BRINP2: variants seen among roughly 807,000 people sequenced by gnomAD.
BRINP2 encodes BMP/retinoic acid inducible neural specific 2, also known as BMP/retinoic acid-inducible neural-specific protein 2.
BRINP2 carries 21 observed loss-of-function variants against 69.2 expected under a neutral mutation model. The observed-to-expected ratio is 0.30, with a 90% CI of 0.22 to 0.44. The LOEUF is 0.44. BRINP2 is among the 20% of genes least tolerant of loss of function. The pLI is 1.00. For synonymous variants in BRINP2, 380 were observed against 394.1 expected (o/e 0.96, Z 0.42); for missense variants, 877 against 986.0 (o/e 0.89, Z 1.48).
chr1:177,243,957 A>C (rs1650292298), intron 2 of BRINP2, among the ~76,000 whole-genome samples: 1 of 147,490 alleles, frequency 6.8e-6, no homozygotes, highest in South Asian at 2.3e-4. Flanking sequence ...GCTATGTTTA[A>C]ATGCAGAGGA....
In BRINP2 at chr1:177,227,836, G is replaced by A. The variant is rs139205792; in HGVS notation, c.-76-1965G>A. On this transcript the variant is annotated intron_variant, in intron 1 of 7. Coordinates refer to ENST00000361539, the MANE Select transcript of BRINP2 (RefSeq NM_021165.4). ...TTATTTCTGAGCTATCTATTCTATT[G>A]CATTGATCTGCTGTCCAATTTGTGT... 6.2e-3 allele frequency among the ~76,000 whole-genome samples: 941 copies of A among 151,898 alleles called. 5 individuals are homozygous for A. Among genetic ancestry groups the A allele is most frequent in the Non-Finnish European group, 0.011 (754 of 67,966 alleles).
chr1:177,280,844 C>T lies in BRINP2; in HGVS notation c.1668C>T (p.Ser556=), dbSNP rs546046745. Residue 556 remains serine (S), a synonymous_variant, in exon 8 of 8, where the codon AGC becomes AGT. Coordinates refer to ENST00000361539, the MANE Select transcript of BRINP2 (RefSeq NM_021165.4). ...WRKRMLLTLK[S]NKYKPGLVHV... ...AGCGCATGCTGCTCACCCTGAAGAG[C>T]AACAAGTACAAGCCTGGGCTGGTGC... The T allele has an allele frequency of 1.4e-5, 23 of 1,614,040 alleles. No homozygotes were observed. In the South Asian group the frequency reaches 2.4e-4, roughly 17 times the overall value.
intron 5 of BRINP2, among the ~76,000 whole-genome samples, 167 bp downstream of exon 5, chr1:177,273,760 G>C (rs1651409545): frequency 6.6e-6 from 1 of 152,132 alleles, no homozygotes; most frequent in Non-Finnish European, 1.5e-5. Flanking sequence ...TTTCCATCAT[G>C]TTTTAAGAAA....
intron 1 of BRINP2, among the ~76,000 whole-genome samples, chr1:177,184,497 T>G (rs576335198): frequency 2.4e-4 from 36 of 152,266 alleles, no homozygotes; most frequent in African/African-American, 8.4e-4. Context: ...CTACTTTAAT[T>G]CCTAGAATGT....
intron 6 of BRINP2, 33 bp downstream of exon 6, chr1:177,276,467 A>G (rs971822281): frequency 3.7e-5 from 59 of 1,594,744 alleles, no homozygotes; most frequent in Non-Finnish European, 4.6e-5. Flanking sequence ...TGTCAATGAG[A>G]GGTGGCTGTG....
At chr1:177,254,406 A>G (rs1486673503) in intron 2 of BRINP2, among the ~76,000 whole-genome samples, 3 of 149,694 alleles carry the variant, frequency 2.0e-5, no homozygotes, top group South Asian at 2.1e-4. Context: ...ACACACACAC[A>G]CACTATCTTC....
In BRINP2 at chr1:177,280,449, C is replaced by G. The variant is rs772053075; in HGVS notation, c.1273C>G (p.Leu425Val). The change falls in exon 8 of 8, where the codon CTC becomes GTC. Residue 425 changes from leucine (L) to valine (V), a missense_variant. Leu to Val is a conservative substitution (Grantham distance 32). Transcript: ENST00000361539. ...CTGGTGGAACCGAATCCAGTCCCTC[C>G]TCTACTGTGGGGAAAGCACCTTTCC... ...SYWWNRIQSL[L>V]YCGESTFPGT... 6 of 1,613,402 alleles carry G rather than the reference C, an allele frequency of 3.7e-6. No homozygotes were observed. In the Admixed American group the frequency reaches 1.0e-4, roughly 27 times the overall value.
rs771911333 is a variant in BRINP2, at chr1:177,257,336, C to T, written c.621C>T (p.Ser207=). ...LAASYFIDRE[S]TLRRLHHIQI... ...CCTCCTACTTCATCGACAGAGAGAG[C>T]ACGCTGCGACGGCTGCACCATATCC... Residue 207 remains serine (S), a synonymous_variant, in exon 4 of 8, where the codon AGC becomes AGT. Transcript: ENST00000361539. The T allele has an allele frequency of 1.9e-6, 3 of 1,613,958 alleles. No individual in the cohort carries two copies. Among genetic ancestry groups the T allele is most frequent in the East Asian group, 2.2e-5 (1 of 44,844 alleles).
At chr1:177,199,974 T>G (rs1321666056) in intron 1 of BRINP2, among the ~76,000 whole-genome samples, 1 of 152,064 alleles carries the variant, frequency 6.6e-6, no homozygotes, top group Non-Finnish European at 1.5e-5. Flanking sequence ...TGGTCTCTAC[T>G]TTTACCCATG....
intron 4 of BRINP2, among the ~76,000 whole-genome samples, chr1:177,269,052 A>G (rs1049748050): frequency 6.6e-6 from 1 of 152,162 alleles, no homozygotes; most frequent in Non-Finnish European, 1.5e-5. Flanking sequence ...CAGCCAGTGA[A>G]TAGTCTTCAC....
At chr1:177,224,158 C>T (rs1008132378) in intron 1 of BRINP2, among the ~76,000 whole-genome samples, 13 of 152,248 alleles carry the variant, frequency 8.5e-5, no homozygotes, top group Admixed American at 6.5e-4. Context: ...CAAGATATTG[C>T]GGATGACAAG....
At chr1:177,188,268 G>A (rs1571887053) in intron 1 of BRINP2, among the ~76,000 whole-genome samples, 5 of 152,030 alleles carry the variant, frequency 3.3e-5, no homozygotes, top group South Asian at 2.1e-4. Context: ...GAGCTCTTTC[G>A]AGGTGCCAGG....
chr1:177,177,665 G>C (rs1360291978), intron 1 of BRINP2, among the ~76,000 whole-genome samples: 1 of 148,992 alleles, frequency 6.7e-6, no homozygotes, highest in South Asian at 2.1e-4. Flanking sequence ...TCTACTTACT[G>C]TTCGTACATG....
intron 2 of BRINP2, among the ~76,000 whole-genome samples, chr1:177,243,049 A>T (rs1650255554): frequency 6.6e-6 from 1 of 152,152 alleles, no homozygotes; most frequent in Non-Finnish European, 1.5e-5. Context: ...TTATTTGGTG[A>T]TAACTGAAAA....
intron 1 of BRINP2, among the ~76,000 whole-genome samples, chr1:177,184,692 T>G (rs1648375489): frequency 6.6e-6 from 1 of 151,664 alleles, no homozygotes; most frequent in Admixed American, 6.6e-5. Context: ...GGCTCAATAC[T>G]GAGCACAGGG....
At chr1:177,204,665 T>A (rs1649019912) in intron 1 of BRINP2, among the ~76,000 whole-genome samples, 1 of 152,224 alleles carries the variant, frequency 6.6e-6, no homozygotes, top group Admixed American at 6.5e-5. Context: ...AACTACCATC[T>A]GAAACTCTTT....
chr1:177,240,736 A>G (rs1038698778), intron 2 of BRINP2, among the ~76,000 whole-genome samples: 2 of 152,190 alleles, frequency 1.3e-5, no homozygotes, highest in Admixed American at 1.3e-4. Context: ...TGAAAACCAC[A>G]GGGCTTATTA....
chr1:177,183,569 A>T (rs1648329095), intron 1 of BRINP2, among the ~76,000 whole-genome samples: 1 of 152,238 alleles, frequency 6.6e-6, no homozygotes, highest in Admixed American at 6.5e-5. Flanking sequence ...ATATTTGATC[A>T]TAAAGATACT....
In BRINP2 at chr1:177,280,977, T is replaced by G. The variant is rs1245666622; in HGVS notation, c.1801T>G (p.Trp601Gly). 1 of 1,614,200 alleles carries G rather than the reference T, an allele frequency of 6.2e-7. No homozygotes were observed. Residue 601 changes from tryptophan to glycine, a missense_variant, in exon 8 of 8, where the codon TGG (tryptophan) becomes GGG (glycine). Transcript: ENST00000361539. The stretch of plus-strand genomic sequence containing the variant: ...CTTTGGGGGCAGCCACTCTGAGAGC[T>G]GGTTCATGCCTGTGAATGAGGGCAG... ...NPFGGSHSES[W>G]FMPVNEGSFP...
Sources: gnomAD v4.1 joint callset for allele counts (sites outside exome capture counted in the v4.1 genomes callset) on GRCh38, gnomAD v4.1.1 for gene constraint, MANE v1.5 for transcripts, NCBI Gene and HGNC (gene_info 2026-07-23, HGNC 2026-07-21) for gene names.